The following SLIT3 variants were observed in gnomAD, a reference collection of about 807,000 sequenced individuals.
The protein encoded by SLIT3 is slit homolog 3 protein.
SLIT3 carries 68 observed loss-of-function variants against 184.0 expected under a neutral mutation model. The ratio of observed to expected loss-of-function variants is 0.37; its 90% confidence interval spans 0.30 to 0.45. The LOEUF is 0.45. SLIT3 is among the 20% of genes least tolerant of loss of function. The pLI, the probability that SLIT3 is intolerant of heterozygous loss-of-function variation, is 1.00. For missense variants in SLIT3, 1,707 were observed against 2,026.0 expected (o/e 0.84, Z 3.02); for synonymous variants, 831 against 828.6 (o/e 1.00, Z -0.05).
At chr5:169,113,387 C>A (rs1358604886) in intron 4 of SLIT3, among the ~76,000 whole-genome samples, 1 of 152,192 alleles carries the variant, frequency 6.6e-6, no homozygotes, top group Non-Finnish European at 1.5e-5. Flanking sequence ...CATGTTGTTG[C>A]CTGTGTCCGA....
chr5:169,050,004 C>T (rs905349236), intron 4 of SLIT3, among the ~76,000 whole-genome samples: 2 of 152,110 alleles, frequency 1.3e-5, no homozygotes, highest in Admixed American at 6.5e-5. Flanking sequence ...TTCCTGGCTG[C>T]TTCCCCTCCT....
At chr5:169,030,191 C>A (rs1756975051) in intron 4 of SLIT3, among the ~76,000 whole-genome samples, 1 of 152,232 alleles carries the variant, frequency 6.6e-6, no homozygotes, top group African/African-American at 2.4e-5. Flanking sequence ...GCAGCCTTCC[C>A]TGACGACTTT....
chr5:168,859,345 T>C (rs937016724), intron 5 of SLIT3, among the ~76,000 whole-genome samples: 2 of 152,146 alleles, frequency 1.3e-5, no homozygotes, highest in Non-Finnish European at 2.9e-5. Flanking sequence ...AAATCCAGGG[T>C]TCACGATGGT....
At chr5:168,887,745 C>T (rs548604650) in intron 4 of SLIT3, among the ~76,000 whole-genome samples, 2 of 152,254 alleles carry the variant, frequency 1.3e-5, no homozygotes, top group Admixed American at 6.5e-5. Context: ...GCTTGTAGTG[C>T]TCTGCAGAGC....
At chr5:169,112,915 C>T (rs771213589) in intron 4 of SLIT3, among the ~76,000 whole-genome samples, 2 of 152,092 alleles carry the variant, frequency 1.3e-5, no homozygotes, top group Non-Finnish European at 2.9e-5. Flanking sequence ...TTCCATGCAC[C>T]CCTCAGGCCT....
intron 4 of SLIT3, among the ~76,000 whole-genome samples, chr5:169,192,332 G>A (rs1187631420): frequency 6.6e-6 from 1 of 152,164 alleles, no homozygotes; most frequent in Non-Finnish European, 1.5e-5. Flanking sequence ...GAAGGCAAGC[G>A]AGACCACTGC....
rs183799570 is a variant in SLIT3 at position 168,797,890 on chromosome 5, T to A, written c.936-2312A>T. ...GTTTCTATCCATTGGATATGCTGCC[T>A]CTATATATTTGTGAAAATGGAGGAA... On this transcript the variant is annotated intron_variant, in intron 9 of 35. Coordinates refer to ENST00000519560, the MANE Select transcript of SLIT3 (RefSeq NM_003062.4). 1.6e-3 allele frequency among the ~76,000 whole-genome samples: 242 copies of A among 152,116 alleles called. 3 individuals are homozygous for A. Among genetic ancestry groups the A allele is most frequent in the African/African-American group, 5.1e-3 (210 of 41,536 alleles).
intron 3 of SLIT3, among the ~76,000 whole-genome samples, chr5:169,238,796 C>G (rs1765292515): frequency 6.6e-6 from 1 of 151,942 alleles, no homozygotes. Flanking sequence ...GTTTATAGGC[C>G]CCAGAATGTT....
chr5:168,671,549 GA>G, intron 33 of SLIT3, 66 bp from the exon 34 acceptor site: 1 of 1,505,364 alleles, frequency 6.6e-7, no homozygotes, highest in East Asian at 2.3e-5. Context: ...TCCTCAGAGC[GA>G]AAAAGCACTT....
chr5:169,028,070 C>T (rs1428971157), intron 4 of SLIT3, among the ~76,000 whole-genome samples: 1 of 152,096 alleles, frequency 6.6e-6, no homozygotes, highest in Non-Finnish European at 1.5e-5. Context: ...GATAAGAAAG[C>T]ATTCATTTTT....
chr5:169,206,496 C>T (rs1380310248), intron 3 of SLIT3, among the ~76,000 whole-genome samples: 1 of 152,154 alleles, frequency 6.6e-6, no homozygotes, highest in African/African-American at 2.4e-5. Context: ...TCAGGGAGGG[C>T]AGGTACAACT....
rs115818084 is a variant in SLIT3 at position 168,846,117 on chromosome 5, C to T, written c.486-1462G>A. The stretch of plus-strand genomic sequence containing the variant: ...ATTGCATAAATGCACACAAATAAAA[C>T]GCAATAGAGTGATACCGTGCATTAC... On this transcript the variant is annotated intron_variant, in intron 5 of 35. Transcript: ENST00000519560. Among the ~76,000 whole-genome samples, 870 of 152,260 alleles carry T rather than the reference C, an allele frequency of 5.7e-3. 7 individuals carry two copies. Among genetic ancestry groups the T allele is most frequent in the African/African-American group, 0.02 (821 of 41,542 alleles).
At chr5:169,294,709 C>A (rs954875036) in intron 1 of SLIT3, among the ~76,000 whole-genome samples, 3 of 152,190 alleles carry the variant, frequency 2.0e-5, no homozygotes, top group Admixed American at 2.0e-4. Context: ...AAGAAACTCA[C>A]CATTAGGCGA....
chr5:168,677,970 C>T (rs1044759056), intron 32 of SLIT3, among the ~76,000 whole-genome samples: 2 of 152,126 alleles, frequency 1.3e-5, no homozygotes, highest in Admixed American at 6.5e-5. Flanking sequence ...CCACTCAGGG[C>T]TCTGTATACT....
At chr5:168,866,207 C>T (rs182464249) in intron 5 of SLIT3, among the ~76,000 whole-genome samples, 1 of 152,350 alleles carries the variant, frequency 6.6e-6, no homozygotes, top group East Asian at 1.9e-4. Context: ...CCGGGCCAGA[C>T]TCCATCCTCA....
rs1430911900 is a variant in SLIT3, at chr5:168,663,298, G to C, written c.*3156C>G. The C allele has an allele frequency of 6.6e-6, 1 of 151,760 alleles. No homozygotes were observed. Among genetic ancestry groups the C allele is most frequent in the Non-Finnish European group, 1.5e-5 (1 of 68,178 alleles). The allele number at this position is 151,760 out of a possible 1,614,324, so 9.4% of individuals were successfully genotyped here. Reference sequence around the variant, plus strand: ...TGCCTAGGGGGAGAGGGGGGATGGGGCAATGGAGGTGGGGATGGGGAAATG... The same window carrying C: ...TGCCTAGGGGGAGAGGGGGGATGGGCCAATGGAGGTGGGGATGGGGAAATG... On this transcript the variant is annotated 3_prime_UTR_variant, in exon 36 of 36. Transcript: ENST00000519560.
chr5:169,012,037 CATT>C (rs898426411), intron 4 of SLIT3: 2 of 149,972 alleles, frequency 1.3e-5, no homozygotes, highest in African/African-American at 2.5e-5. Flanking sequence ...ATGTTATAAA[CATT>C]ATTTATTATC....
intron 1 of SLIT3, among the ~76,000 whole-genome samples, chr5:169,272,682 C>G (rs1766669592): frequency 6.6e-6 from 1 of 152,200 alleles, no homozygotes; most frequent in Non-Finnish European, 1.5e-5. Flanking sequence ...GCACTCACCC[C>G]ATCATCCCTC....
At chr5:169,263,755 C>A in intron 1 of SLIT3, 1 of 489,910 alleles carries the variant, frequency 2.0e-6, no homozygotes, top group Non-Finnish European at 4.1e-6. Flanking sequence ...CTTCCCTGAA[C>A]TTCTGAACTT....
Sources: allele counts gnomAD v4.1 joint callset (sites outside exome capture counted in the v4.1 genomes callset), GRCh38; gene constraint gnomAD v4.1.1; transcripts MANE v1.5; gene names NCBI Gene and HGNC (gene_info 2026-07-23, HGNC 2026-07-21).